The following TNFAIP8 variants were observed in gnomAD, a reference collection of about 807,000 sequenced individuals.
TNFAIP8 encodes the protein TNF alpha induced protein 8.
Under a neutral mutation model 13.3 loss-of-function variants are expected in TNFAIP8, and 7 were observed. The observed-to-expected ratio is 0.52, with a 90% CI of 0.30 to 0.99. The LOEUF is 0.99. Ranked by LOEUF, TNFAIP8 falls within the 50% of genes least tolerant of loss-of-function variation. The probability of loss-of-function intolerance (pLI) is 0.07; values close to 1 mark genes in which losing one functional copy is unlikely to be tolerated. For missense variants in TNFAIP8, 258 were observed against 236.9 expected (o/e 1.09, Z -0.58); for synonymous variants, 94 against 87.6 (o/e 1.07, Z -0.41).
intron 1 of TNFAIP8, among the ~76,000 whole-genome samples, chr5:119,331,035 T>C (rs903169079): frequency 1.3e-5 from 2 of 152,040 alleles, no homozygotes; most frequent in Non-Finnish European, 2.9e-5. Context: ...CTTCAGCCAC[T>C]AGGCCACCAG....
chr5:119,348,272 A>G (rs1322070512), intron 1 of TNFAIP8, among the ~76,000 whole-genome samples: 4 of 152,224 alleles, frequency 2.6e-5, no homozygotes, highest in African/African-American at 9.6e-5. Context: ...TACATCAGCC[A>G]GGCAATGTGA....
At chr5:119,300,583 A>T (rs866356814) in intron 1 of TNFAIP8, among the ~76,000 whole-genome samples, 1 of 152,152 alleles carries the variant, frequency 6.6e-6, no homozygotes, top group African/African-American at 2.4e-5. Flanking sequence ...CTTACTATGT[A>T]CTTCTCTAAG....
intron 1 of TNFAIP8, among the ~76,000 whole-genome samples, chr5:119,368,632 A>G (rs1374451924): frequency 2.6e-5 from 4 of 152,202 alleles, no homozygotes; most frequent in African/African-American, 7.2e-5. Context: ...TTGTTTTTCA[A>G]ATAAGAAACT....
In TNFAIP8 at chr5:119,356,048, C is replaced by A. The variant is rs779355802; in HGVS notation, c.-43C>A. On this transcript the variant is annotated 5_prime_UTR_variant, in exon 1 of 2. Coordinates refer to ENST00000504771, the MANE Select transcript of TNFAIP8 (RefSeq NM_014350.4). Reference sequence around the variant, plus strand: ...AGCGAACTTGCGGCTCGTCCGAGTACATGTGAGCGGTAATCGCCCCTGCAG... The same window carrying A: ...AGCGAACTTGCGGCTCGTCCGAGTAAATGTGAGCGGTAATCGCCCCTGCAG... 1 of 1,554,694 alleles carries A rather than the reference C, an allele frequency of 6.4e-7. No homozygotes were observed. The highest frequency in any genetic ancestry group is 1.2e-5 in the South Asian group (1 of 84,618).
intron 1 of TNFAIP8, among the ~76,000 whole-genome samples, chr5:119,300,656 A>G (rs192917756): frequency 2.7e-4 from 41 of 152,254 alleles, no homozygotes; most frequent in Middle Eastern, 6.8e-3. Context: ...CCCGTTTTGC[A>G]ATGAGGAGGG....
intron 1 of TNFAIP8, among the ~76,000 whole-genome samples, chr5:119,314,170 AAAAC>A (rs3055625): frequency 0.84 from 126,260 of 150,902 alleles, 53,712 homozygotes; most frequent in Non-Finnish European, 0.92. Flanking sequence ...GCTGTCTCTA[AAAAC>A]AAACAAACAA....
chr5:119,319,275 G>A (rs1347248753), intron 1 of TNFAIP8, among the ~76,000 whole-genome samples: 1 of 152,100 alleles, frequency 6.6e-6, no homozygotes, highest in African/African-American at 2.4e-5. Flanking sequence ...CCCTGTCCCT[G>A]AAATAAGATA....
chr5:119,302,276 G>A (rs1470645763), intron 1 of TNFAIP8, among the ~76,000 whole-genome samples: 2 of 152,062 alleles, frequency 1.3e-5, no homozygotes, highest in Non-Finnish European at 2.9e-5. Flanking sequence ...TGCTCTCAAG[G>A]GTGACAACCT....
rs1294728691 is a variant in TNFAIP8 at position 119,286,929 on chromosome 5, G to A, written c.1+18022G>A. ...CTTCTCTCCATGTCCAAGGCCAGAT[G>A]TGATGCCTACTCCTCCTCTGAGTGT... On this transcript the variant is annotated intron_variant, in intron 1 of 1. Transcript: ENST00000274456. Among the ~76,000 whole-genome samples the A allele has an allele frequency of 3.9e-5, 6 of 152,180 alleles. No homozygotes were observed. The East Asian group carries it at 5.8e-4, about 15-fold the overall frequency.
At chr5:119,315,146 G>A (rs752101539) in intron 1 of TNFAIP8, among the ~76,000 whole-genome samples, 18 of 152,162 alleles carry the variant, frequency 1.2e-4, no homozygotes, top group Non-Finnish European at 1.9e-4. Flanking sequence ...GCAGTGGTGC[G>A]ATCTCAGCTC....
intron 1 of TNFAIP8, among the ~76,000 whole-genome samples, chr5:119,301,011 G>T: frequency 6.6e-6 from 1 of 152,110 alleles, no homozygotes; most frequent in South Asian, 2.1e-4. Flanking sequence ...TGATTTGAAG[G>T]TAGTGGAAAC....
At chr5:119,295,967 C>T (rs555720923) in intron 1 of TNFAIP8, among the ~76,000 whole-genome samples, 16 of 150,798 alleles carry the variant, frequency 1.1e-4, no homozygotes, top group Admixed American at 8.6e-4. Context: ...GATTTTTGTA[C>T]ATTGATTTTG....
chr5:119,307,346 C>G (rs1020229724), intron 1 of TNFAIP8, among the ~76,000 whole-genome samples: 2 of 152,170 alleles, frequency 1.3e-5, no homozygotes, highest in African/African-American at 2.4e-5. Context: ...TCATTACATA[C>G]AAGCAATTAT....
chr5:119,388,746 G>A (rs530882786), intron 1 of TNFAIP8, among the ~76,000 whole-genome samples: 6 of 151,790 alleles, frequency 4.0e-5, no homozygotes, highest in South Asian at 4.2e-4. Flanking sequence ...TCCTGGGCTC[G>A]GGCAGTCCTC....
intron 1 of TNFAIP8, among the ~76,000 whole-genome samples, chr5:119,363,109 G>A (rs920431924): frequency 3.3e-5 from 5 of 152,168 alleles, no homozygotes; most frequent in African/African-American, 1.2e-4. Context: ...AAATAGAAAT[G>A]GAGTAGCTCA....
chr5:119,278,372 AGAGAGTGTGTGTGT>A lies in TNFAIP8; in HGVS notation c.1+9467_1+9480del, dbSNP rs1319420933. On this transcript the variant is annotated intron_variant, in intron 1 of 1. Coordinates refer to the TNFAIP8 transcript ENST00000274456. ...AAGGGGGAGAGAGAGAGAGAGAGAG[AGAGAGTGTGTGTGT>A]GTGTGTGTGTGTGTGTGTGTGTGTG... is the stretch of plus-strand genomic sequence containing the variant. 7.0e-4 allele frequency among the ~76,000 whole-genome samples: 87 copies of A among 124,986 alleles called. 1 individual carries two copies. Among genetic ancestry groups the A allele is most frequent in the African/African-American group, 2.4e-3 (65 of 27,150 alleles). 82.0% of individuals were successfully genotyped at this position (124,986 alleles called of 152,430 possible). A position where few individuals can be genotyped will look rare whatever the true frequency, so the allele number is the denominator to read the frequency against.
At chr5:119,327,242 G>A (rs1032761050) in intron 1 of TNFAIP8, among the ~76,000 whole-genome samples, 17 of 152,300 alleles carry the variant, frequency 1.1e-4, no homozygotes, top group African/African-American at 3.8e-4. Flanking sequence ...TGAGGCGGAT[G>A]GGGGCGGATG....
chr5:119,398,295 T>C lies in TNFAIP8; in HGVS notation c.*4914T>C, dbSNP rs961952671. ...TAATACAAGAAAGACAATTTGATTT[T>C]TAAAAGTTTTGATTTGTAGAATAAT... On this transcript the variant is annotated 3_prime_UTR_variant, in exon 2 of 2. Transcript: ENST00000504771. 2 of 152,252 alleles carry C rather than the reference T, an allele frequency of 1.3e-5. No homozygotes were observed. Among genetic ancestry groups the C allele is most frequent in the African/African-American group, 4.8e-5 (2 of 41,470 alleles). 9.4% of individuals were successfully genotyped at this position (152,252 alleles called of 1,614,324 possible). A position where few individuals can be genotyped will look rare whatever the true frequency, so the allele number is the denominator to read the frequency against.
chr5:119,303,879 G>A (rs771572495), intron 1 of TNFAIP8, among the ~76,000 whole-genome samples: 1 of 152,134 alleles, frequency 6.6e-6, no homozygotes. Context: ...TATTGTAAAG[G>A]GGTGAAATAT....
Sources: allele counts gnomAD v4.1 joint callset (sites outside exome capture counted in the v4.1 genomes callset), GRCh38; gene constraint gnomAD v4.1.1; transcripts MANE v1.5; gene names NCBI Gene and HGNC (gene_info 2026-07-23, HGNC 2026-07-21).